Variants in MAPK15 observed in about 807,000 individuals in gnomAD.
The protein encoded by MAPK15 is ERK-7.
Under a neutral mutation model 60.8 loss-of-function variants are expected in MAPK15, and 61 were observed. That is an observed-to-expected ratio of 1.00 (90% CI 0.82 to 1.24). The LOEUF is 1.24. Ranked by LOEUF, MAPK15 falls within the 50% of genes most tolerant of loss-of-function variation. MAPK15 has a pLI of 0.00. For missense variants in MAPK15, 808 were observed against 741.1 expected (o/e 1.09, Z -1.05); for synonymous variants, 356 against 319.9 (o/e 1.11, Z -1.21).
At chr8:143,717,636 T>C (rs1817860735) in intron 1 of MAPK15, 58 bp from the exon 2 acceptor site, 2 of 1,415,730 alleles carry the variant, frequency 1.4e-6, no homozygotes, top group Non-Finnish European at 2.0e-6. Context: ...AGGGACAATC[T>C]GGGTGGGCAG....
At chr8:143,718,339 C>G (rs782352166) in intron 4 of MAPK15, 37 bp downstream of exon 4, 1 of 1,586,674 alleles carries the variant, frequency 6.3e-7, no homozygotes, top group Non-Finnish European at 8.7e-7. Flanking sequence ...AGCCCCACCT[C>G]TGTTCTGTCC....
At chr8:143,716,504 C>T (rs1554618388) in intron 1 of MAPK15, 61 bp downstream of exon 1, 2 of 1,503,572 alleles carry the variant, frequency 1.3e-6, no homozygotes, top group Non-Finnish European at 1.8e-6. Flanking sequence ...GAGAGAGGAC[C>T]TGCGGGGCGC....
Position 143,717,788 on chromosome 8 carries a change from C to A in MAPK15, c.161C>A (p.Ala54Asp). 1 of 1,609,798 alleles carries A rather than the reference C, an allele frequency of 6.2e-7. No individual in the cohort carries two copies. The highest frequency in any genetic ancestry group is 8.5e-7 in the Non-Finnish European group (1 of 1,178,170). Reference sequence around the variant, plus strand: ...GATGCTTTTAGGGATAAGACAGATGCCCAGGTGAGTGTGTGGGGAGAAGCG... The same window carrying A: ...GATGCTTTTAGGGATAAGACAGATGACCAGGTGAGTGTGTGGGGAGAAGCG... ...IFDAFRDKTD[A>D]QRTFREITLL... Residue 54 changes from alanine to aspartate, a missense_variant, in exon 2 of 14, where the codon GCC becomes GAC. By Grantham distance (126) the Ala-to-Asp change is moderately radical (BLOSUM62 -2). Coordinates refer to ENST00000338033, the MANE Select transcript of MAPK15 (RefSeq NM_139021.3).
chr8:143,721,109 C>T lies in MAPK15; in HGVS notation c.1023+4C>T. On this transcript the variant is annotated splice_donor_region_variant and intron_variant, in intron 10 of 13. Coordinates refer to ENST00000338033, the MANE Select transcript of MAPK15 (RefSeq NM_139021.3). ...GTACCGCAGCCGCGTCTATCAGGTG[C>T]TCCGGCTCTCGACCCCTATCATCCC... 2 of 1,609,216 alleles carry T rather than the reference C, an allele frequency of 1.2e-6. No homozygotes were observed. Among genetic ancestry groups the T allele is most frequent in the African/African-American group, 1.3e-5 (1 of 74,926 alleles).
At position 143,719,042 on chromosome 8, in the gene MAPK15, T is replaced by C. The variant is rs1554619124; in HGVS notation, c.467T>C (p.Phe156Ser). The C allele has an allele frequency of 3.1e-6, 5 of 1,599,916 alleles. No homozygotes were observed. Among genetic ancestry groups the C allele is most frequent in the Non-Finnish European group, 4.3e-6 (5 of 1,173,888 alleles). The change falls in exon 6 of 14, where the codon TTT becomes TCT. Residue 156 changes from phenylalanine (F) to serine (S), a missense_variant. Physicochemically the swap from Phe to Ser is radical, Grantham distance 155 (BLOSUM62 -2). Transcript: ENST00000338033. ...DANCTVKLCD[F>S]GLARSLGDLP... ...AACTGCACAGTGAAGCTGTGTGACT[T>C]TGGCCTGGCCCGCTCCCTGGGCGAC...
chr8:143,720,519 G>A lies in MAPK15; in HGVS notation c.780-184G>A. 4 of 1,453,492 alleles carry A rather than the reference G, an allele frequency of 2.8e-6. No individual in the cohort carries two copies. Among genetic ancestry groups the A allele is most frequent in the Non-Finnish European group, 3.6e-6 (4 of 1,100,348 alleles). 90.0% of individuals were successfully genotyped at this position (1,453,492 alleles called of 1,614,324 possible). ...CAGGGCGTGGAGAGGAGGGCACCAG[G>A]GGGCCGCAGGGGTCTCTCCACCCTG... is the stretch of plus-strand genomic sequence containing the variant. On this transcript the variant is annotated intron_variant, in intron 8 of 13. Transcript: ENST00000338033. The surrounding 1 kb of genome is among the most constrained non-coding windows in gnomAD (Gnocchi z 4.6).
At chr8:143,718,146 TGGCCTTCTTG>T in intron 3 of MAPK15, 56 bp from the exon 4 acceptor site, 1 of 1,612,854 alleles carries the variant, frequency 6.2e-7, no homozygotes, top group South Asian at 1.1e-5. Context: ...GGAGAGAAAC[TGGCCTTCTTG>T]GGCCCCAGAG....
Position 143,718,784 on chromosome 8 carries a change from T to G in MAPK15, c.296T>G (p.Leu99Arg). 7.3e-7 allele frequency: 1 copy of G among 1,370,784 alleles called. No homozygotes were observed. Among genetic ancestry groups the G allele is most frequent in the Non-Finnish European group, 9.7e-7 (1 of 1,032,636 alleles). The allele number at this position is 1,370,784 out of a possible 1,614,324, so 84.9% of individuals were successfully genotyped here. The change falls in exon 5 of 14, where the codon CTG becomes CGG. Residue 99 changes from leucine (L) to arginine (R), a missense_variant. Physicochemically the swap from Leu to Arg is moderately radical, Grantham distance 102. Coordinates refer to ENST00000338033, the MANE Select transcript of MAPK15 (RefSeq NM_139021.3). Reference protein sequence around the residue: ...YLVFEFMDTDLNAVIRKGGLL... With the variant: ...YLVFEFMDTDRNAVIRKGGLL... The stretch of plus-strand genomic sequence containing the variant: ...CGCACCCTCTCTGCAGACACTGACC[T>G]GAACGCAGTCATCCGGAAGGGCGGC...
At position 143,719,887 on chromosome 8, in the gene MAPK15, G is replaced by GGGTC. The variant is rs1394482634; in HGVS notation, c.722-342_722-339dup. On this transcript the variant is annotated intron_variant, in intron 7 of 13. Coordinates refer to ENST00000338033, the MANE Select transcript of MAPK15 (RefSeq NM_139021.3). ...GAAGGCAGTGGTAGAGGGGCCATGG[G>GGGTC]GGTCACTCTTGAGGGCGGGGGCAAG... Among the ~76,000 whole-genome samples the GGGTC allele has an allele frequency of 2.0e-5, 3 of 152,182 alleles. No homozygotes were observed. In the East Asian group the frequency reaches 5.8e-4, roughly 29 times the overall value.
chr8:143,719,290 AC>A, intron 6 of MAPK15, 52 bp from the exon 7 acceptor site: 1 of 1,293,032 alleles, frequency 7.7e-7, no homozygotes, highest in Non-Finnish European at 1.1e-6. Flanking sequence ...CAGCAACCCC[AC>A]CCCCACCTCT....
chr8:143,720,798 G>C lies in MAPK15; in HGVS notation c.875G>C (p.Arg292Pro), dbSNP rs782214797. The C allele has an allele frequency of 8.1e-6, 13 of 1,613,606 alleles. No homozygotes were observed. The highest frequency in any genetic ancestry group is 1.0e-5 in the Non-Finnish European group (12 of 1,179,890). ...RRLLVFAPDK[R>P]LSATQALQHP... is the part of the protein sequence containing the mutation. Reference sequence around the variant, plus strand: ...CTCCTGGTGTTCGCCCCGGACAAGCGGTTAAGCGCGACCCAGGCACTGCAG... The same window carrying C: ...CTCCTGGTGTTCGCCCCGGACAAGCCGTTAAGCGCGACCCAGGCACTGCAG... Residue 292 changes from arginine (R) to proline (P), a missense_variant, in exon 9 of 14, where the codon CGG becomes CCG. Physicochemically the swap from Arg to Pro is moderately radical, Grantham distance 103. Coordinates refer to ENST00000338033, the MANE Select transcript of MAPK15 (RefSeq NM_139021.3). This position sits in a 1 kb window ranked among gnomAD's most constrained non-coding sequence, Gnocchi z 4.6.
chr8:143,721,662 AC>A lies in MAPK15; in HGVS notation c.1319del (p.Thr440AsnfsTer5). 1 of 1,608,858 alleles carries A rather than the reference AC, an allele frequency of 6.2e-7. No homozygotes were observed. Among genetic ancestry groups the A allele is most frequent in the South Asian group, 1.1e-5 (1 of 90,578 alleles). ...TGGGGCGAAGGAAGCGCCCCCCTTG[AC>A]ACTCTCGCTGGTAAGTCATGGTGGG... The part of the protein sequence containing the change: ...PPGAKEAPPL[T>X]LSLVKPSGRG... On this transcript the variant is annotated frameshift_variant, in exon 12 of 14. Transcript: ENST00000338033. LOFTEE classifies it high-confidence loss of function.
rs1554619881 is a variant in MAPK15 at position 143,721,617 on chromosome 8, G to A, written c.1273G>A (p.Gly425Arg). The change falls in exon 12 of 14, where the codon GGG (glycine) becomes AGG (arginine). Residue 425 changes from glycine to arginine, a missense_variant. Physicochemically the swap from Gly to Arg is moderately radical, Grantham distance 125. Coordinates refer to ENST00000338033, the MANE Select transcript of MAPK15 (RefSeq NM_139021.3). Reference sequence around the variant, plus strand: ...TCCCCTGCTCCAAACTGCTCTCCTAGGGAATGGGGAAAGGCCCCCTGGGGC... The same window carrying A: ...TCCCCTGCTCCAAACTGCTCTCCTAAGGAATGGGGAAAGGCCCCCTGGGGC... ...SAPLLQTALL[G>R]NGERPPGAKE... 2.5e-6 allele frequency: 4 copies of A among 1,612,416 alleles called. No individual in the cohort carries two copies. Among genetic ancestry groups the A allele is most frequent in the Non-Finnish European group, 2.5e-6 (3 of 1,179,128 alleles).
At position 143,719,159 on chromosome 8, in the gene MAPK15, A is replaced by G. The variant is rs1488907677; in HGVS notation, c.581+3A>G. The G allele has an allele frequency of 2.0e-6, 3 of 1,524,394 alleles. No homozygotes were observed. Among genetic ancestry groups the G allele is most frequent in the African/African-American group, 1.4e-5 (1 of 70,264 alleles). 94.4% of individuals were successfully genotyped at this position (1,524,394 alleles called of 1,614,324 possible). A position where few individuals can be genotyped will look rare whatever the true frequency, so the allele number is the denominator to read the frequency against. On this transcript the variant is annotated splice_donor_region_variant and intron_variant, in intron 6 of 13. Coordinates refer to ENST00000338033, the MANE Select transcript of MAPK15 (RefSeq NM_139021.3). ...GAGGTGCTGCTCTCTTCGCACCGGT[A>G]ATAGCGAGACATCCCCAACCCCCCC... is the stretch of plus-strand genomic sequence containing the variant.
intron 6 of MAPK15, 84 bp downstream of exon 6, chr8:143,719,240 G>A (rs887167801): frequency 1.3e-5 from 20 of 1,505,854 alleles, no homozygotes; most frequent in East Asian, 4.8e-5. Context: ...CCCGTACTCC[G>A]ACCCTGCCTT....
rs1554619809 is a variant in MAPK15 at position 143,721,389 on chromosome 8, A to AG, written c.1184dup (p.His396ProfsTer2). ...CCAGACCCAGGCCCCAGAGCAGCCC[A>AG]GGCCATGACCCTGCCGAGCACGGTG... On this transcript the variant is annotated frameshift_variant, in exon 11 of 14. Coordinates refer to ENST00000338033, the MANE Select transcript of MAPK15 (RefSeq NM_139021.3). LOFTEE classifies it high-confidence loss of function. 6.2e-7 allele frequency: 1 copy of AG among 1,612,064 alleles called. No individual in the cohort carries two copies. The highest frequency in any genetic ancestry group is 8.5e-7 in the Non-Finnish European group (1 of 1,179,184).
chr8:143,722,162 G>A lies in MAPK15; in HGVS notation c.1546G>A (p.Ala516Thr). ...GCAGGGTGCCCAGGGGGGTGCCAGG[G>A]CTTTGCTTGGAGGCTACTCCCAAGC... is the stretch of plus-strand genomic sequence containing the variant. ...ALQGAQGGAR[A>T]LLGGYSQAYG... The change falls in exon 14 of 14, where the codon GCT becomes ACT. Residue 516 changes from alanine (A) to threonine (T), a missense_variant. Transcript: ENST00000338033. The A allele has an allele frequency of 6.2e-7, 1 of 1,611,058 alleles. No individual in the cohort carries two copies. The highest frequency in any genetic ancestry group is 8.5e-7 in the Non-Finnish European group (1 of 1,179,210).
In MAPK15 at chr8:143,720,366, G is replaced by C; in HGVS notation, c.779+79G>C. The C allele has an allele frequency of 6.8e-7, 1 of 1,474,424 alleles. No individual in the cohort carries two copies. Among genetic ancestry groups the C allele is most frequent in the Non-Finnish European group, 9.0e-7 (1 of 1,108,792 alleles). 91.3% of individuals were successfully genotyped at this position (1,474,424 alleles called of 1,614,324 possible). A position where few individuals can be genotyped will look rare whatever the true frequency, so the allele number is the denominator to read the frequency against. ...GGGCCACCTTCCTGCAAGTTTACTGGGGCCAGTTTGTACCAGTTCAGATTC... is the reference window on the plus strand; with the variant it reads ...GGGCCACCTTCCTGCAAGTTTACTGCGGCCAGTTTGTACCAGTTCAGATTC... On this transcript the variant is annotated intron_variant, in intron 8 of 13. Transcript: ENST00000338033. This position sits in a 1 kb window ranked among gnomAD's most constrained non-coding sequence, Gnocchi z 4.6.
In MAPK15 at chr8:143,718,833, C is replaced by T. The variant is rs1817917906; in HGVS notation, c.345C>T (p.Arg115=). Residue 115 remains arginine, a synonymous_variant, in exon 5 of 14, where the codon CGC becomes CGT. Coordinates refer to ENST00000338033, the MANE Select transcript of MAPK15 (RefSeq NM_139021.3). The stretch of plus-strand genomic sequence containing the variant: ...GCCTGCTGCAGGACGTCCACGTGCG[C>T]TCCATCTTCTACCAGCTCCTGCGGG... ...KGGLLQDVHV[R]SIFYQLLRAT... 6.2e-7 allele frequency: 1 copy of T among 1,612,304 alleles called. No individual in the cohort carries two copies. Among genetic ancestry groups the T allele is most frequent in the Non-Finnish European group, 8.5e-7 (1 of 1,179,760 alleles).
Sources: allele counts gnomAD v4.1 joint callset (sites outside exome capture counted in the v4.1 genomes callset), GRCh38; gene constraint gnomAD v4.1.1; non-coding constraint Gnocchi (gnomAD v3.1); transcripts MANE v1.5; gene names NCBI Gene and HGNC (gene_info 2026-07-23, HGNC 2026-07-21).